Variants in INTS15 observed in about 807,000 individuals in gnomAD.
INTS15 encodes the protein uncharacterized protein C7orf26.
chr7:6,607,666 A>T, the INTS15 span: 2 of 1,508,260 alleles, frequency 1.3e-6, no homozygotes, highest in South Asian at 2.4e-5. The surrounding 1 kb of genome is among the most constrained non-coding windows in gnomAD (Gnocchi z 6.0). Flanking sequence ...AGCGCAGCAG[A>T]GAGCCGCAGA....
the INTS15 span, chr7:6,590,069 C>T: frequency 1.1e-4 from 34 of 299,402 alleles, no homozygotes; most frequent in East Asian, 8.2e-4. Context: ...CGGCTCCTGG[C>T]GGCGCCGCAG....
the INTS15 span, chr7:6,591,989 T>A: frequency 1.3e-6 from 1 of 788,970 alleles, no homozygotes; most frequent in South Asian, 1.7e-5. Context: ...CTGACCAACA[T>A]GGCGAAATCA....
chr7:6,592,048 G>A, the INTS15 span, among the ~76,000 whole-genome samples: 1 of 152,006 alleles, frequency 6.6e-6, no homozygotes, highest in Non-Finnish European at 1.5e-5. Context: ...TTGCATACCT[G>A]TAACCCCAGC....
chr7:6,590,554 C>G, the INTS15 span: 4 of 1,411,008 alleles, frequency 2.8e-6, no homozygotes, highest in Admixed American at 3.1e-5. Flanking sequence ...AGGGCTGTGT[C>G]AAGCCGCGGG....
chr7:6,593,270 G>A, the INTS15 span, among the ~76,000 whole-genome samples: 2 of 151,346 alleles, frequency 1.3e-5, no homozygotes, highest in East Asian at 1.9e-4. Context: ...GCGCGATCAC[G>A]TCTCAGTGAA....
the INTS15 span, among the ~76,000 whole-genome samples, chr7:6,601,939 G>C: frequency 1.2e-4 from 18 of 152,250 alleles, no homozygotes; most frequent in African/African-American, 4.3e-4. Context: ...ATACAGGCGT[G>C]AGCCACTGCG....
the INTS15 span, among the ~76,000 whole-genome samples, chr7:6,599,271 C>T: frequency 5.9e-5 from 9 of 152,260 alleles, no homozygotes; most frequent in Middle Eastern, 3.4e-3. Flanking sequence ...TCTGTCTGGG[C>T]CACAGAGCCT....
the INTS15 span, chr7:6,590,417 T>C: frequency 1.2e-6 from 2 of 1,603,488 alleles, no homozygotes; most frequent in African/African-American, 2.7e-5. Context: ...AAGGGCCCCG[T>C]GGAGCTGCTG....
chr7:6,590,198 CTCTT>C, the INTS15 span: 1 of 1,253,272 alleles, frequency 8.0e-7, no homozygotes, highest in East Asian at 3.2e-5. Context: ...CGGGTCGCGC[CTCTT>C]TGTTTCCACG....
At chr7:6,598,857 G>C in the INTS15 span, among the ~76,000 whole-genome samples, 2 of 148,614 alleles carry the variant, frequency 1.3e-5, no homozygotes, top group Admixed American at 6.8e-5. Flanking sequence ...GACAGCCACA[G>C]CTGACTGCAA....
chr7:6,591,777 C>G, the INTS15 span: 1 of 1,614,030 alleles, frequency 6.2e-7, no homozygotes, highest in South Asian at 1.1e-5. Flanking sequence ...AAGCCGATGA[C>G]AGCCGGATGA....
the INTS15 span, among the ~76,000 whole-genome samples, chr7:6,592,533 C>T: frequency 4.6e-5 from 7 of 151,540 alleles, no homozygotes; most frequent in Non-Finnish European, 8.8e-5. Flanking sequence ...TGTCACTGCA[C>T]TCCAGCCTGG....
At chr7:6,595,138 T>C in the INTS15 span, among the ~76,000 whole-genome samples, 2 of 152,104 alleles carry the variant, frequency 1.3e-5, no homozygotes, top group Non-Finnish European at 2.9e-5. Flanking sequence ...CTCAAGTGTT[T>C]CTCCTGCCTC....
At chr7:6,605,522 C>G in the INTS15 span, among the ~76,000 whole-genome samples, 21 of 152,234 alleles carry the variant, frequency 1.4e-4, no homozygotes, top group African/African-American at 4.6e-4. Flanking sequence ...TTAGAGCCCC[C>G]CAGAACTAAT....
chr7:6,591,999 A>G, the INTS15 span: 1 of 707,030 alleles, frequency 1.4e-6, no homozygotes, highest in Non-Finnish European at 2.3e-6. Context: ...TGGCGAAATC[A>G]TGTCTCTACT....
chr7:6,600,177 T>C, the INTS15 span: 1 of 1,614,154 alleles, frequency 6.2e-7, no homozygotes, highest in Non-Finnish European at 8.5e-7. Flanking sequence ...GAGAAGAATC[T>C]GTATGGGCGC....
chr7:6,600,217 C>A, the INTS15 span: 1 of 1,614,066 alleles, frequency 6.2e-7, no homozygotes, highest in Non-Finnish European at 8.5e-7. Context: ...ACCACATGGT[C>A]CCGCTGGTAG....
At chr7:6,598,788 T>TGTGTGTG in the INTS15 span, among the ~76,000 whole-genome samples, 16 of 39,174 alleles carry the variant, frequency 4.1e-4, no homozygotes, top group African/African-American at 1.0e-3. Context: ...TGTGTGTGTA[T>TGTGTGTG]TTTTTTTTTT....
At chr7:6,606,439 G>C in the INTS15 span, among the ~76,000 whole-genome samples, 15 of 152,248 alleles carry the variant, frequency 9.9e-5, no homozygotes, top group African/African-American at 3.6e-4. Context: ...GACCCAGTTA[G>C]GATAATATGC....
Sources: gnomAD v4.1 joint callset for allele counts (sites outside exome capture counted in the v4.1 genomes callset) on GRCh38, gnomAD v4.1.1 for gene constraint, Gnocchi (gnomAD v3.1) non-coding constraint, MANE v1.5 for transcripts, NCBI Gene and HGNC (gene_info 2026-07-23, HGNC 2026-07-21) for gene names.